Variants in PTPN22 observed in about 807,000 individuals in gnomAD.
The protein encoded by PTPN22 is tyrosine-protein phosphatase non-receptor type 22.
Under a neutral mutation model 103.3 loss-of-function variants are expected in PTPN22, and 85 were observed. The ratio of observed to expected loss-of-function variants is 0.82; its 90% confidence interval spans 0.69 to 0.99. The LOEUF is 0.99. Among genes scored for constraint, PTPN22 ranks in the 50% least tolerant of loss-of-function variants. PTPN22 has a pLI of 0.00. For missense variants in PTPN22, 865 were observed against 936.9 expected, an observed-to-expected ratio of 0.92 and a Z score of 1.00; for synonymous variants, 323 against 310.2, an observed-to-expected ratio of 1.04 and a Z score of -0.43.
chr1:113,848,908 T>C (rs546907557), intron 10 of PTPN22, among the ~76,000 whole-genome samples: 1 of 152,292 alleles, frequency 6.6e-6, no homozygotes, highest in East Asian at 1.9e-4. Flanking sequence ...CTAAACCTAG[T>C]TTCTTATCTT....
intron 19 of PTPN22, 113 bp downstream of exon 19, chr1:113,825,029 G>T: frequency 1.4e-6 from 1 of 698,426 alleles, no homozygotes. Flanking sequence ...AGGACCCTAT[G>T]GAGGCTCTGT....
chr1:113,843,097 C>A (rs1352171349), intron 11 of PTPN22, among the ~76,000 whole-genome samples: 3 of 11,310 alleles, frequency 2.7e-4, no homozygotes, highest in African/African-American at 1.4e-3. Context: ...GAGACTCCGT[C>A]TCAAAAAAAA....
Position 113,856,948 on chromosome 1 carries a change from G to T in PTPN22, c.409-329C>A, listed in dbSNP as rs1665136271. 2.3e-5 allele frequency: 5 copies of T among 215,552 alleles called. No homozygotes were observed. In the South Asian group the frequency reaches 4.8e-4, roughly 21 times the overall value. The allele number at this position is 215,552 out of a possible 1,614,324, so 13.4% of individuals were successfully genotyped here. On this transcript the variant is annotated intron_variant, in intron 5 of 20. Coordinates refer to ENST00000359785, the Ensembl canonical transcript of PTPN22. ...TGAAATACCTAGTTCCCTTGCTTTT[G>T]ATTAGAATTGTCAACTCAGAATGGC...
At chr1:113,867,044 G>A (rs1666180867) in intron 1 of PTPN22, among the ~76,000 whole-genome samples, 1 of 152,022 alleles carries the variant, frequency 6.6e-6, no homozygotes, top group African/African-American at 2.4e-5. Flanking sequence ...ACCTCACCTG[G>A]CCAAGATCCA....
chr1:113,859,282 T>G lies in PTPN22; in HGVS notation c.196+70A>C, dbSNP rs1217419. Reference sequence around the variant, plus strand: ...TTCCAAGATCAGGATCAGTAAGCAATGGGTACAAAGAGATAGTAATGATTG... The same window carrying G: ...TTCCAAGATCAGGATCAGTAAGCAAGGGGTACAAAGAGATAGTAATGATTG... On this transcript the variant is annotated intron_variant, in intron 2 of 20. Transcript: ENST00000359785. 860,919 of 1,543,506 alleles carry G rather than the reference T, an allele frequency of 0.56. 245,806 individuals carry two copies. Among genetic ancestry groups the G allele is most frequent in the South Asian group, 0.66 (58,164 of 88,256 alleles).
At chr1:113,829,851 AATC>A in intron 17 of PTPN22, 95 bp downstream of exon 17, 1 of 1,279,680 alleles carries the variant, frequency 7.8e-7, no homozygotes, top group Non-Finnish European at 1.1e-6. Context: ...TCTTTTGTGT[AATC>A]ATTTTTGTAC....
chr1:113,824,002 G>A (rs1661831159), intron 19 of PTPN22, among the ~76,000 whole-genome samples: 1 of 152,124 alleles, frequency 6.6e-6, no homozygotes, highest in South Asian at 2.1e-4. Context: ...GATTTTCTCA[G>A]TGCTTTTTGT....
intron 19 of PTPN22, among the ~76,000 whole-genome samples, chr1:113,822,148 T>C (rs1354721659): frequency 1.3e-5 from 2 of 152,224 alleles, no homozygotes; most frequent in Non-Finnish European, 2.9e-5. Flanking sequence ...TGGACCATTG[T>C]TACAAGCCAG....
Position 113,816,262 on chromosome 1 carries a change from G to A in PTPN22, c.2360-1293C>T, listed in dbSNP as rs540872153. Among the ~76,000 whole-genome samples, 10 of 151,946 alleles carry A rather than the reference G, an allele frequency of 6.6e-5. No homozygotes were observed. The South Asian group carries it at 1.7e-3, about 25-fold the overall frequency. The stretch of plus-strand genomic sequence containing the variant: ...CCAAGGCAGGTGGATCGCTTGAGCC[G>A]AGGAGTTCAAGACCAGCCTGGGCAA... On this transcript the variant is annotated intron_variant, in intron 20 of 20. Coordinates refer to ENST00000359785, the Ensembl canonical transcript of PTPN22.
At chr1:113,836,777 T>A (rs1227844133) in intron 13 of PTPN22, among the ~76,000 whole-genome samples, 1 of 150,250 alleles carries the variant, frequency 6.7e-6, no homozygotes, top group African/African-American at 2.5e-5. Flanking sequence ...AAAAAAAAAA[T>A]TAGCCAGGCA....
intron 16 of PTPN22, among the ~76,000 whole-genome samples, chr1:113,830,518 C>T (rs59563856): frequency 0.013 from 1,987 of 151,998 alleles, 30 homozygotes; most frequent in African/African-American, 0.046. Flanking sequence ...TTTCAAAAGA[C>T]AGATTTAAGA....
chr1:113,819,644 A>C, exon 20 of PTPN22: 1 of 1,598,092 alleles, frequency 6.3e-7, no homozygotes, highest in Non-Finnish European at 8.6e-7. Flanking sequence ...GTGGGCAAGA[A>C]TTACAGATAC....
At chr1:113,864,895 G>A (rs997460953) in intron 1 of PTPN22, among the ~76,000 whole-genome samples, 1 of 150,844 alleles carries the variant, frequency 6.6e-6, no homozygotes, top group Admixed American at 6.6e-5. Flanking sequence ...CTGGGTGACA[G>A]AGCGAGACTC....
At chr1:113,820,757 T>C (rs1376997554) in intron 19 of PTPN22, among the ~76,000 whole-genome samples, 1 of 152,132 alleles carries the variant, frequency 6.6e-6, no homozygotes, top group Non-Finnish European at 1.5e-5. Context: ...TTAAGTGTTT[T>C]TGTGTTGTTT....
chr1:113,849,948 C>A (rs533502183), intron 10 of PTPN22, among the ~76,000 whole-genome samples: 1 of 152,018 alleles, frequency 6.6e-6, no homozygotes, highest in East Asian at 2.0e-4. Flanking sequence ...GTAATCCCAG[C>A]ACTTTGGGAG....
chr1:113,814,743 C>T (rs1661030384), exon 21 of PTPN22: 2 of 609,018 alleles, frequency 3.3e-6, no homozygotes, highest in African/African-American at 1.9e-5. Context: ...GCAAAACTGG[C>T]ACTTATTGGC....
rs1343334966 is a variant in PTPN22, at chr1:113,847,303, TA to T, written c.915+1236del. 6.6e-5 allele frequency among the ~76,000 whole-genome samples: 10 copies of T among 151,444 alleles called. No homozygotes were observed. In the South Asian group the frequency reaches 1.7e-3, roughly 25 times the overall value. On this transcript the variant is annotated intron_variant, in intron 11 of 20. Coordinates refer to ENST00000359785, the Ensembl canonical transcript of PTPN22. ...GATTTAAGCATGTTTTTACCTTTTT[TA>T]TTTTTTTATATTTTCATTCTTTTTA...
chr1:113,820,224 C>T (rs1247074610), intron 19 of PTPN22, among the ~76,000 whole-genome samples: 1 of 152,052 alleles, frequency 6.6e-6, no homozygotes, highest in African/African-American at 2.4e-5. Context: ...GAGGCTGAGG[C>T]AGGCAGATAA....
In PTPN22 at chr1:113,829,608, CT is replaced by C; in HGVS notation, c.2233del (p.Ser745ValfsTer8). On this transcript the variant is annotated frameshift_variant, in exon 18 of 21. Coordinates refer to ENST00000359785, the Ensembl canonical transcript of PTPN22. LOFTEE classifies it high-confidence loss of function. ...CTTCTTTACCTTACTCCTTGTGAAA[CT>C]TTTTCCAGGAGTCTTCAGTGTCTGT... The C allele has an allele frequency of 1.3e-6, 2 of 1,594,234 alleles. No individual in the cohort carries two copies.
Sources: gnomAD v4.1 joint callset for allele counts (sites outside exome capture counted in the v4.1 genomes callset) on GRCh38, gnomAD v4.1.1 for gene constraint, MANE v1.5 for transcripts, NCBI Gene and HGNC (gene_info 2026-07-23, HGNC 2026-07-21) for gene names.